The following ASIC2 variants were observed in gnomAD, a reference collection of about 807,000 sequenced individuals.
The protein encoded by ASIC2 is acid-sensing ion channel 2.
In ASIC2, 25 loss-of-function variants were observed where a neutral mutation model predicts 57.3. The observed-to-expected ratio is 0.44, with a 90% CI of 0.32 to 0.61. The LOEUF (loss-of-function observed/expected upper bound fraction) is 0.61, where lower values mean the gene tolerates loss of function less well. Ranked by LOEUF, ASIC2 falls within the 20% of genes least tolerant of loss-of-function variation. ASIC2 has a pLI of 0.06. For missense variants in ASIC2, 641 were observed against 738.1 expected (o/e 0.87, Z 1.52); for synonymous variants, 319 against 307.5 (o/e 1.04, Z -0.39).
At chr17:33,416,732 A>T (rs2141968505) in intron 1 of ASIC2, among the ~76,000 whole-genome samples, 1 of 152,228 alleles carries the variant, frequency 6.6e-6, no homozygotes, top group Non-Finnish European at 1.5e-5. Context: ...ACTCTAGGGG[A>T]CCTAGGTTTG....
intron 1 of ASIC2, among the ~76,000 whole-genome samples, chr17:33,973,421 C>G (rs1231696143): frequency 6.6e-6 from 1 of 152,182 alleles, no homozygotes; most frequent in East Asian, 1.9e-4. Flanking sequence ...TTAAAGAGCC[C>G]TGGCAGAATG....
At chr17:33,233,402 T>C (rs1908179372) in intron 1 of ASIC2, among the ~76,000 whole-genome samples, 1 of 151,976 alleles carries the variant, frequency 6.6e-6, no homozygotes, top group South Asian at 2.1e-4. Flanking sequence ...CACCACCGTG[T>C]GTGTCACTCT....
At chr17:33,191,015 C>T (rs1906395001) in intron 1 of ASIC2, among the ~76,000 whole-genome samples, 2 of 152,282 alleles carry the variant, frequency 1.3e-5, no homozygotes, top group South Asian at 4.1e-4. Context: ...CATGCAAAGG[C>T]TTGTACATGG....
chr17:33,939,108 C>T lies in ASIC2; in HGVS notation c.555+216870G>A, dbSNP rs1916130845. On this transcript the variant is annotated intron_variant, in intron 1 of 9. Transcript: ENST00000359872. ...GCCCATTGTTGGGGCCTCACCCCTTCTTACTGCCCAGACATGGGATGGGAC... is the reference window on the plus strand; with the variant it reads ...GCCCATTGTTGGGGCCTCACCCCTTTTTACTGCCCAGACATGGGATGGGAC... 2.6e-5 allele frequency among the ~76,000 whole-genome samples: 4 copies of T among 152,252 alleles called. No individual in the cohort carries two copies. In the South Asian group the frequency reaches 8.3e-4, roughly 32 times the overall value.
chr17:33,724,882 T>C (rs1909497738), intron 1 of ASIC2, among the ~76,000 whole-genome samples: 1 of 152,156 alleles, frequency 6.6e-6, no homozygotes, highest in African/African-American at 2.4e-5. Context: ...TCCTTCCCGT[T>C]CATTTTTTTC....
chr17:33,310,486 A>G (rs1280303043), intron 1 of ASIC2, among the ~76,000 whole-genome samples: 1 of 152,126 alleles, frequency 6.6e-6, no homozygotes, highest in Admixed American at 6.6e-5. Flanking sequence ...TGCCTCCTTA[A>G]TTCAGGAGAT....
intron 1 of ASIC2, among the ~76,000 whole-genome samples, chr17:34,141,160 T>TAA (rs35314607): frequency 0.013 from 1,872 of 148,396 alleles, 17 homozygotes; most frequent in African/African-American, 0.023. Context: ...CTTGAATTAT[T>TAA]AAAAAAAAAA....
At chr17:33,969,135 G>T (rs557649109) in intron 1 of ASIC2, among the ~76,000 whole-genome samples, 1 of 152,276 alleles carries the variant, frequency 6.6e-6, no homozygotes, top group South Asian at 2.1e-4. Flanking sequence ...AGCATGGCCC[G>T]TTGAGAAACA....
intron 1 of ASIC2, among the ~76,000 whole-genome samples, chr17:33,179,056 A>G (rs768901593): frequency 7.0e-4 from 107 of 152,242 alleles, no homozygotes; most frequent in Non-Finnish European, 9.1e-4. Context: ...GCCCAAGGCA[A>G]CCTGGCACAA....
chr17:33,886,178 A>G (rs1001875979), intron 1 of ASIC2, among the ~76,000 whole-genome samples: 3 of 152,096 alleles, frequency 2.0e-5, no homozygotes. Flanking sequence ...TTGTTTTGGG[A>G]CCCTGGCTGA....
chr17:33,298,256 C>T (rs373078271), upstream of ASIC2, among the ~76,000 whole-genome samples: 2 of 151,990 alleles, frequency 1.3e-5, 1 homozygote, highest in Admixed American at 1.3e-4. Context: ...CTAATGCTAT[C>T]CCTCCCCACT....
At chr17:33,339,935 C>T (rs893318698) in intron 1 of ASIC2, among the ~76,000 whole-genome samples, 17 of 152,160 alleles carry the variant, frequency 1.1e-4, no homozygotes, top group African/African-American at 3.9e-4. Flanking sequence ...CCCTGAGTCA[C>T]CTCCCACACA....
At chr17:34,039,896 C>G in intron 1 of ASIC2, 1 of 1,572,466 alleles carries the variant, frequency 6.4e-7, no homozygotes. Context: ...GCCGCCGCTG[C>G]CGCTCCACGC....
intron 1 of ASIC2, among the ~76,000 whole-genome samples, chr17:34,014,316 G>A (rs1906869540): frequency 6.6e-6 from 1 of 152,224 alleles, no homozygotes; most frequent in African/African-American, 2.4e-5. Flanking sequence ...GGCTCCAGAT[G>A]TGAAACCAGG....
rs181587020 is a variant in ASIC2 at position 33,481,946 on chromosome 17, C to T, written c.556-369879G>A. 1.7e-3 allele frequency among the ~76,000 whole-genome samples: 253 copies of T among 152,274 alleles called. 2 individuals are homozygous for T. The highest frequency in any genetic ancestry group is 2.3e-3 in the Admixed American group (35 of 15,298). ...CAAGTACAGTGCATACATTTTATGCCGATAGCACCTGTCCTCTTAGCAATG... is the reference window on the plus strand; with the variant it reads ...CAAGTACAGTGCATACATTTTATGCTGATAGCACCTGTCCTCTTAGCAATG... On this transcript the variant is annotated intron_variant, in intron 1 of 9. Transcript: ENST00000359872.
At chr17:33,629,098 T>C (rs1206989011) in intron 1 of ASIC2, among the ~76,000 whole-genome samples, 1 of 152,204 alleles carries the variant, frequency 6.6e-6, no homozygotes, top group Non-Finnish European at 1.5e-5. Context: ...CTGCCTGAAC[T>C]ACACTTGTAT....
intron 1 of ASIC2, among the ~76,000 whole-genome samples, chr17:33,447,426 G>T (rs1912067890): frequency 6.6e-6 from 1 of 152,190 alleles, no homozygotes; most frequent in Admixed American, 6.5e-5. Context: ...GTCAGAAACA[G>T]ATATGTCAGG....
At chr17:33,339,701 G>A (rs1320331635) in intron 1 of ASIC2, among the ~76,000 whole-genome samples, 1 of 152,164 alleles carries the variant, frequency 6.6e-6, no homozygotes, top group East Asian at 1.9e-4. Context: ...TCTCTCTGAG[G>A]CTGCCTCCTC....
chr17:34,020,446 T>C (rs1216698216), intron 1 of ASIC2, among the ~76,000 whole-genome samples: 2 of 152,162 alleles, frequency 1.3e-5, no homozygotes, highest in African/African-American at 4.8e-5. Flanking sequence ...GGAGGTAGTT[T>C]CCATAGAACT....
Sources: allele counts gnomAD v4.1 joint callset (sites outside exome capture counted in the v4.1 genomes callset), GRCh38; gene constraint gnomAD v4.1.1; transcripts MANE v1.5; gene names NCBI Gene and HGNC (gene_info 2026-07-23, HGNC 2026-07-21).